The following ZNF106 variants were observed in gnomAD, a reference collection of about 807,000 sequenced individuals.
The protein encoded by ZNF106 is SH3-domain binding protein 3.
A neutral mutation model predicts 195.1 loss-of-function variants in ZNF106; 67 were observed. The observed-to-expected ratio is 0.34, with a 90% CI of 0.28 to 0.42. The LOEUF is 0.42. ZNF106 is among the 10% of genes least tolerant of loss of function. The probability of loss-of-function intolerance (pLI) is 1.00; values close to 1 mark genes in which losing one functional copy is unlikely to be tolerated. For missense variants in ZNF106, 2,118 were observed against 2,304.5 expected (o/e 0.92, Z 1.66); for synonymous variants, 784 against 818.6 (o/e 0.96, Z 0.72).
In ZNF106 at chr15:42,432,095, A is replaced by G. The variant is rs76684132; in HGVS notation, c.4881+3289T>C. Reference sequence around the variant, plus strand: ...TTAGGTACCTGTACTTATAATTGTTATATCTTTCGGGTGTGCTGACTCATC... The same window carrying G: ...TTAGGTACCTGTACTTATAATTGTTGTATCTTTCGGGTGTGCTGACTCATC... On this transcript the variant is annotated intron_variant, in intron 14 of 21. Coordinates refer to ENST00000564754, the MANE Select transcript of ZNF106 (RefSeq NM_001366845.3). 8.8e-3 allele frequency among the ~76,000 whole-genome samples: 1,338 copies of G among 152,236 alleles called. 23 individuals carry two copies. Among genetic ancestry groups the G allele is most frequent in the African/African-American group, 0.031 (1,275 of 41,520 alleles).
At chr15:42,469,718 G>A (rs1441818000) in intron 2 of ZNF106, among the ~76,000 whole-genome samples, 2 of 151,728 alleles carry the variant, frequency 1.3e-5, no homozygotes, top group African/African-American at 4.8e-5. Context: ...CATGCCTGTA[G>A]TCCCAGCTAC....
chr15:42,490,779 G>A (rs990924796), intron 1 of ZNF106, among the ~76,000 whole-genome samples: 2 of 152,148 alleles, frequency 1.3e-5, no homozygotes, highest in Admixed American at 6.5e-5. Flanking sequence ...GCGAAAATCC[G>A]TACCCCGAAG....
intron 14 of ZNF106, among the ~76,000 whole-genome samples, chr15:42,431,902 C>T (rs2055061207): frequency 6.6e-6 from 1 of 152,210 alleles, no homozygotes; most frequent in Admixed American, 6.5e-5. Context: ...GCATGAGCCA[C>T]CACACCCGGC....
chr15:42,444,390 G>A (rs561285833), intron 8 of ZNF106, 128 bp from the exon 9 acceptor site: 24 of 677,500 alleles, frequency 3.5e-5, no homozygotes, highest in Middle Eastern at 4.2e-4. Flanking sequence ...CCAGCCAGCC[G>A]CAGGTTTTCT....
chr15:42,486,856 A>G (rs1057358170), intron 1 of ZNF106, among the ~76,000 whole-genome samples: 3 of 152,212 alleles, frequency 2.0e-5, no homozygotes, highest in Non-Finnish European at 1.5e-5. Context: ...CCAATTAAAA[A>G]ATTAATTTTT....
chr15:42,440,983 T>TAAAAA (rs35854257), intron 10 of ZNF106, among the ~76,000 whole-genome samples: 4 of 19,816 alleles, frequency 2.0e-4, no homozygotes, highest in South Asian at 2.1e-3. Flanking sequence ...AAACTCTGTC[T>TAAAAA]AAAAAAAAAA....
chr15:42,444,763 T>G (rs1377523801), intron 8 of ZNF106, 64 bp downstream of exon 8: 1 of 1,590,620 alleles, frequency 6.3e-7, no homozygotes, highest in East Asian at 2.2e-5. Flanking sequence ...AGACATGGGT[T>G]TGGCAGCACA....
At chr15:42,442,009 C>T (rs1264976257) in intron 10 of ZNF106, 64 bp downstream of exon 10, 3 of 1,319,904 alleles carry the variant, frequency 2.3e-6, no homozygotes, top group Admixed American at 2.3e-5. Flanking sequence ...GCTTATATCA[C>T]TCATATAAAA....
intron 1 of ZNF106, among the ~76,000 whole-genome samples, chr15:42,489,725 T>A (rs2057099949): frequency 6.6e-6 from 1 of 152,080 alleles, no homozygotes; most frequent in Non-Finnish European, 1.5e-5. Flanking sequence ...AGTACTAAGC[T>A]CTTAATAAGC....
rs750635190 is a variant in ZNF106, at chr15:42,442,374, A to G, written c.3462T>C (p.Cys1154=). ...TGTTCCTTCGTTCTCGTGTGAGGCT[A>G]CAGGGAACCTGGTCTGGGTGCTCAG... ...EPSEHPDQVP[C]SLTRERRNSR... is the part of the protein sequence containing the mutation. The change falls in exon 10 of 22, where the codon TGT becomes TGC. Residue 1154 remains cysteine, a synonymous_variant. Coordinates refer to ENST00000564754, the MANE Select transcript of ZNF106 (RefSeq NM_001366845.3). 5.0e-6 allele frequency: 8 copies of G among 1,614,092 alleles called. No individual in the cohort carries two copies. The South Asian group carries it at 8.8e-5, about 18-fold the overall frequency.
Position 42,422,623 on chromosome 15 carries a change from A to G in ZNF106, c.5254-3T>C, listed in dbSNP as rs1426337768. Reference sequence around the variant, plus strand: ...TAGATCCGCACGAGCTCACCAGTCTATGTCAGAAGAGAAGTAAGAGTCACC... The same window carrying G: ...TAGATCCGCACGAGCTCACCAGTCTGTGTCAGAAGAGAAGTAAGAGTCACC... On this transcript the variant is annotated splice_polypyrimidine_tract_variant and splice_region_variant and intron_variant, in intron 17 of 21. Transcript: ENST00000564754. 1 of 1,598,272 alleles carries G rather than the reference A, an allele frequency of 6.3e-7. No individual in the cohort carries two copies. Among genetic ancestry groups the G allele is most frequent in the South Asian group, 1.1e-5 (1 of 88,948 alleles).
At chr15:42,462,708 G>A (rs1056701628) in intron 3 of ZNF106, among the ~76,000 whole-genome samples, 4 of 152,232 alleles carry the variant, frequency 2.6e-5, no homozygotes, top group African/African-American at 9.6e-5. Flanking sequence ...AGAGGGGAAA[G>A]GGGGGTGGAG....
At chr15:42,422,812 T>C (rs1290038777) in intron 17 of ZNF106, among the ~76,000 whole-genome samples, 192 bp from the exon 18 acceptor site, 1 of 152,132 alleles carries the variant, frequency 6.6e-6, no homozygotes, top group African/African-American at 2.4e-5. Flanking sequence ...CCCACAATCA[T>C]TTATTACATA....
intron 1 of ZNF106, among the ~76,000 whole-genome samples, chr15:42,476,519 A>T (rs1335615118): frequency 2.0e-5 from 3 of 152,134 alleles, no homozygotes; most frequent in African/African-American, 7.2e-5. Context: ...TGGCCAGCTG[A>T]TCAAGAACTG....
intron 15 of ZNF106, among the ~76,000 whole-genome samples, chr15:42,426,563 C>CTTT (rs539711765): frequency 3.9e-4 from 45 of 115,724 alleles, no homozygotes; most frequent in African/African-American, 1.1e-3. Flanking sequence ...CCATACTTAG[C>CTTT]TTTTTTTTTT....
chr15:42,444,526 T>C (rs1458394113), intron 8 of ZNF106, among the ~76,000 whole-genome samples: 1 of 152,206 alleles, frequency 6.6e-6, no homozygotes, highest in Non-Finnish European at 1.5e-5. Flanking sequence ...TAAACCCTCA[T>C]ATAAACTCCA....
chr15:42,417,299 A>AAACT lies in ZNF106; in HGVS notation c.*1_*4dup. 6.2e-7 allele frequency: 1 copy of AAACT among 1,614,080 alleles called. No individual in the cohort carries two copies. The highest frequency in any genetic ancestry group is 8.5e-7 in the Non-Finnish European group (1 of 1,179,986). ...ATGACTTCCCAACGTGGGAGGCAAA[A>AAACT]AACTTCATGAATCAATTTTGCTGTC... is the stretch of plus-strand genomic sequence containing the variant. On this transcript the variant is annotated 3_prime_UTR_variant, in exon 22 of 22. Coordinates refer to ENST00000564754, the MANE Select transcript of ZNF106 (RefSeq NM_001366845.3).
At chr15:42,468,068 CTTTTTTTTT>C (rs200457966) in intron 2 of ZNF106, among the ~76,000 whole-genome samples, 1 of 102,112 alleles carries the variant, frequency 9.8e-6, no homozygotes, top group East Asian at 2.9e-4. Flanking sequence ...TTCAAAACGC[CTTTTTTTTT>C]TTTTTTTTTT....
chr15:42,425,560 G>A (rs2054823350), intron 15 of ZNF106: 1 of 153,072 alleles, frequency 6.5e-6, no homozygotes, highest in South Asian at 2.0e-4. Flanking sequence ...GGAGTGCAAT[G>A]GCGCCATCTC....
Sources: gnomAD v4.1 joint callset for allele counts (sites outside exome capture counted in the v4.1 genomes callset) on GRCh38, gnomAD v4.1.1 for gene constraint, MANE v1.5 for transcripts, NCBI Gene and HGNC (gene_info 2026-07-23, HGNC 2026-07-21) for gene names.